TTC29: variants seen among roughly 807,000 people sequenced by gnomAD.
The protein encoded by TTC29 is tetratricopeptide repeat domain 29, also known as tetratricopeptide repeat protein 29.
Under a neutral mutation model 58.1 loss-of-function variants are expected in TTC29, and 49 were observed. That is an observed-to-expected ratio of 0.84 (90% CI 0.67 to 1.07). TTC29 has a LOEUF of 1.07. TTC29 is among the 50% of genes least tolerant of loss of function. TTC29 has a pLI of 0.00. For synonymous variants in TTC29, 209 were observed against 196.8 expected (o/e 1.06, Z -0.52); for missense variants, 582 against 555.6 (o/e 1.05, Z -0.48).
At chr4:146,709,965 G>A (rs1742361344) in intron 11 of TTC29, among the ~76,000 whole-genome samples, 1 of 152,064 alleles carries the variant, frequency 6.6e-6, no homozygotes, top group Admixed American at 6.6e-5. Context: ...AGACAAGACA[G>A]GGTTTCAGTC....
At chr4:146,853,550 C>T (rs1729645640) in intron 8 of TTC29, among the ~76,000 whole-genome samples, 1 of 152,016 alleles carries the variant, frequency 6.6e-6, no homozygotes, top group South Asian at 2.1e-4. Context: ...CCATTCCAAA[C>T]AGCATTTATA....
At position 146,874,779 on chromosome 4, in the gene TTC29, C is replaced by T. The variant is rs1311520013; in HGVS notation, c.736G>A (p.Glu246Lys). The T allele has an allele frequency of 3.7e-6, 6 of 1,610,804 alleles. No individual in the cohort carries two copies. Among genetic ancestry groups the T allele is most frequent in the Non-Finnish European group, 4.2e-6 (5 of 1,178,768 alleles). Residue 246 changes from glutamate to lysine, a missense_variant, in exon 7 of 13, where the codon GAA (glutamate) becomes AAA (lysine). By Grantham distance (56) the Glu-to-Lys change is moderately conservative. Transcript: ENST00000325106. ...ATGGCCTGTTTGTATTCTTTATTTTCTAGCATTTTGTCTGAGAGTAATCTG... is the reference window on the plus strand; with the variant it reads ...ATGGCCTGTTTGTATTCTTTATTTTTTAGCATTTTGTCTGAGAGTAATCTG... ...TYRLLSDKMLENKEYKQAIKI... is the reference protein window; with the variant it reads ...TYRLLSDKMLKNKEYKQAIKI...
intron 9 of TTC29, among the ~76,000 whole-genome samples, chr4:146,831,995 C>T (rs1460887279): frequency 6.6e-6 from 1 of 152,108 alleles, no homozygotes; most frequent in Non-Finnish European, 1.5e-5. Context: ...CTCCTGGGCT[C>T]CAGGGATCTT....
chr4:146,927,530 C>T (rs1298834109), intron 4 of TTC29, among the ~76,000 whole-genome samples: 1 of 152,128 alleles, frequency 6.6e-6, no homozygotes, highest in Admixed American at 6.5e-5. Flanking sequence ...TCACTACCCA[C>T]TAATGAGTCA....
intron 11 of TTC29, among the ~76,000 whole-genome samples, chr4:146,734,468 A>T (rs1243205048): frequency 5.9e-5 from 9 of 152,180 alleles, no homozygotes; most frequent in Admixed American, 5.9e-4. Flanking sequence ...CCACTCCAAC[A>T]AATTAACTAA....
chr4:146,792,049 C>A (rs1193461210), intron 11 of TTC29, among the ~76,000 whole-genome samples: 1 of 152,186 alleles, frequency 6.6e-6, no homozygotes, highest in Non-Finnish European at 1.5e-5. Flanking sequence ...CAAGGTGAAA[C>A]AACAAATGCT....
chr4:146,877,475 C>T (rs1731345428), intron 6 of TTC29, among the ~76,000 whole-genome samples: 1 of 152,098 alleles, frequency 6.6e-6, no homozygotes, highest in African/African-American at 2.4e-5. Flanking sequence ...TTCTTACCTT[C>T]CAGAAAAACA....
At chr4:146,906,165 A>T (rs534316881) in intron 5 of TTC29, among the ~76,000 whole-genome samples, 28 of 150,636 alleles carry the variant, frequency 1.9e-4, no homozygotes, top group South Asian at 8.4e-4. Context: ...ATAATATTTA[A>T]AAAAAAAAAG....
intron 2 of TTC29, chr4:146,942,986 A>C (rs2150343195): frequency 3.3e-5 from 6 of 179,552 alleles, no homozygotes; most frequent in South Asian, 2.0e-4. Flanking sequence ...AAGATAGCTC[A>C]TCCAGGTGCG....
intron 10 of TTC29, among the ~76,000 whole-genome samples, chr4:146,807,017 A>G (rs1750665234): frequency 6.6e-6 from 1 of 152,230 alleles, no homozygotes; most frequent in South Asian, 2.1e-4. Context: ...ATACAAAAGA[A>G]TAGAAATCAT....
At chr4:146,858,531 A>T (rs547159652) in intron 8 of TTC29, among the ~76,000 whole-genome samples, 3 of 152,186 alleles carry the variant, frequency 2.0e-5, no homozygotes, top group Non-Finnish European at 4.4e-5. Flanking sequence ...ATTTGTTCCT[A>T]TGCTAACTAG....
chr4:146,801,175 A>AT (rs1299213058), intron 11 of TTC29, among the ~76,000 whole-genome samples: 1 of 152,154 alleles, frequency 6.6e-6, no homozygotes, highest in Non-Finnish European at 1.5e-5. Flanking sequence ...GCCGAGGAAG[A>AT]TTTTTTAAGC....
chr4:146,945,439 A>C (rs1250086107), intron 1 of TTC29: 1 of 152,240 alleles, frequency 6.6e-6, no homozygotes, highest in African/African-American at 2.4e-5. Flanking sequence ...AGTTCTCAAC[A>C]GGACTAAAGG....
intron 9 of TTC29, among the ~76,000 whole-genome samples, chr4:146,821,468 C>G (rs536372579): frequency 6.6e-6 from 1 of 151,994 alleles, no homozygotes. Context: ...TTATAAAAGG[C>G]GAATACTAGC....
intron 11 of TTC29, among the ~76,000 whole-genome samples, chr4:146,798,993 T>C (rs1166516855): frequency 6.7e-6 from 1 of 149,646 alleles, no homozygotes; most frequent in Admixed American, 6.7e-5. Flanking sequence ...CTTGTCGACA[T>C]ATATTTTGAA....
At chr4:146,915,466 A>C (rs2150294289) in intron 4 of TTC29, among the ~76,000 whole-genome samples, 1 of 152,236 alleles carries the variant, frequency 6.6e-6, no homozygotes, top group Middle Eastern at 3.4e-3. Context: ...GACAGCCAGC[A>C]GCATCCAGGA....
rs145657680 is a variant in TTC29 at position 146,757,641 on chromosome 4, G to C, written c.1330+45816C>G. On this transcript the variant is annotated intron_variant, in intron 11 of 12. Coordinates refer to ENST00000325106, the MANE Select transcript of TTC29 (RefSeq NM_031956.4). The stretch of plus-strand genomic sequence containing the variant: ...TTCTCAGCAGAAACCCTAAAAGCTA[G>C]AAGGGATTGGGGCACTATCTTCAGC... Among the ~76,000 whole-genome samples, 1,291 of 152,264 alleles carry C rather than the reference G, an allele frequency of 8.5e-3. 12 individuals carry two copies. The highest frequency in any genetic ancestry group is 0.03 in the African/African-American group (1,240 of 41,556).
chr4:146,748,170 G>A (rs1745690424), intron 11 of TTC29, among the ~76,000 whole-genome samples: 2 of 152,110 alleles, frequency 1.3e-5, no homozygotes, highest in African/African-American at 2.4e-5. Flanking sequence ...TGCTCTGTGG[G>A]GCCTGTGCCT....
intron 11 of TTC29, among the ~76,000 whole-genome samples, chr4:146,756,863 C>G (rs1462792820): frequency 1.3e-5 from 2 of 151,908 alleles, no homozygotes; most frequent in Non-Finnish European, 2.9e-5. Context: ...AAAAGTGTGT[C>G]CAAAGTTTCC....
Sources: gnomAD v4.1 joint callset for allele counts (sites outside exome capture counted in the v4.1 genomes callset) on GRCh38, gnomAD v4.1.1 for gene constraint, MANE v1.5 for transcripts, NCBI Gene and HGNC (gene_info 2026-07-23, HGNC 2026-07-21) for gene names.